Variants in ATE1 observed in about 807,000 individuals in gnomAD.
ATE1 encodes arginyltransferase 1.
In ATE1, 36 loss-of-function variants were observed where a neutral mutation model predicts 70.5. That is an observed-to-expected ratio of 0.51 (90% CI 0.39 to 0.67). The LOEUF (loss-of-function observed/expected upper bound fraction) is 0.67, where lower values mean the gene tolerates loss of function less well. Among genes scored for constraint, ATE1 ranks in the 30% least tolerant of loss-of-function variants. The probability of loss-of-function intolerance (pLI) is 0.00; values close to 1 mark genes in which losing one functional copy is unlikely to be tolerated. For missense variants in ATE1, 593 were observed against 629.5 expected (o/e 0.94, Z 0.62); for synonymous variants, 232 against 219.3 (o/e 1.06, Z -0.51).
intron 11 of ATE1, among the ~76,000 whole-genome samples, chr10:121,757,258 C>T (rs577575181): frequency 6.6e-6 from 1 of 152,306 alleles, no homozygotes; most frequent in African/African-American, 2.4e-5. Context: ...TCAGCCTGGT[C>T]CTTATTGTCC....
chr10:121,752,048 T>C (rs1038045082), intron 11 of ATE1, among the ~76,000 whole-genome samples: 4 of 150,732 alleles, frequency 2.7e-5, no homozygotes, highest in African/African-American at 9.7e-5. Flanking sequence ...TACAAAAAAA[T>C]TAGCCAGGCA....
intron 7 of ATE1, among the ~76,000 whole-genome samples, chr10:121,871,180 C>T (rs1364385219): frequency 1.3e-5 from 2 of 152,070 alleles, no homozygotes; most frequent in African/African-American, 2.4e-5. Flanking sequence ...ACTAGCTGGG[C>T]GTGGTGGCTC....
chr10:121,787,491 T>C (rs1316688632), intron 11 of ATE1, among the ~76,000 whole-genome samples: 2 of 152,218 alleles, frequency 1.3e-5, no homozygotes, highest in Admixed American at 6.5e-5. Flanking sequence ...GTCTGGACTG[T>C]GATATTCAAT....
At chr10:121,769,666 A>G (rs1250147195) in intron 11 of ATE1, among the ~76,000 whole-genome samples, 1 of 152,238 alleles carries the variant, frequency 6.6e-6, no homozygotes, top group Non-Finnish European at 1.5e-5. Context: ...AAAACTCAGC[A>G]ATATAAAAAC....
At position 121,924,433 on chromosome 10, in the gene ATE1, G is replaced by T. The variant is rs866142184; in HGVS notation, c.107-104C>A. ...TAGGAGTGTGTGTCCGGGCACGGTGGCTCATGCCTGTAATCCCAGCACTCT... is the reference window on the plus strand; with the variant it reads ...TAGGAGTGTGTGTCCGGGCACGGTGTCTCATGCCTGTAATCCCAGCACTCT... On this transcript the variant is annotated intron_variant, in intron 1 of 11. Transcript: ENST00000224652. The T allele has an allele frequency of 1.6e-5, 17 of 1,077,724 alleles. No homozygotes were observed. In the Middle Eastern group the frequency reaches 9.3e-4, roughly 59 times the overall value. The allele number at this position is 1,077,724 out of a possible 1,614,324, so 66.8% of individuals were successfully genotyped here. A position where few individuals can be genotyped will look rare whatever the true frequency, so the allele number is the denominator to read the frequency against.
At chr10:121,848,797 G>A (rs1170146676) in intron 8 of ATE1, among the ~76,000 whole-genome samples, 4 of 151,426 alleles carry the variant, frequency 2.6e-5, no homozygotes, top group Non-Finnish European at 5.9e-5. Context: ...TGTAATCCCA[G>A]CTACTTGGGA....
chr10:121,863,281 T>C (rs1949541386), intron 8 of ATE1, among the ~76,000 whole-genome samples: 1 of 142,822 alleles, frequency 7.0e-6, no homozygotes, highest in South Asian at 2.2e-4. Flanking sequence ...TTTGAGACAG[T>C]CTCTTTCTGT....
intron 11 of ATE1, among the ~76,000 whole-genome samples, chr10:121,772,077 A>C (rs1410948247): frequency 1.3e-5 from 2 of 152,246 alleles, no homozygotes; most frequent in Non-Finnish European, 2.9e-5. Flanking sequence ...GGGCTGGAAC[A>C]GAATTTTATA....
rs898946644 is a variant in ATE1, at chr10:121,803,662, C to T, written c.1258-13373G>A. On this transcript the variant is annotated intron_variant, in intron 10 of 11. Transcript: ENST00000224652. The stretch of plus-strand genomic sequence containing the variant: ...TAAAAAACAGTTTCCTACAAATACA[C>T]GGCTTTAATAAAGTCAGTAAGCTGT... Among the ~76,000 whole-genome samples the T allele has an allele frequency of 2.6e-5, 4 of 152,172 alleles. No homozygotes were observed. The East Asian group carries it at 5.8e-4, about 22-fold the overall frequency.
At chr10:121,837,394 C>T (rs79545680) in intron 9 of ATE1, among the ~76,000 whole-genome samples, 1 of 152,142 alleles carries the variant, frequency 6.6e-6, no homozygotes, top group African/African-American at 2.4e-5. Flanking sequence ...GTAACTCAAA[C>T]GTAAGAAGTT....
chr10:121,899,199 T>TC (rs1375350561), intron 7 of ATE1, among the ~76,000 whole-genome samples: 4 of 148,714 alleles, frequency 2.7e-5, no homozygotes, highest in Non-Finnish European at 6.1e-5. Context: ...GTTCTTTTTT[T>TC]TTTCTCTCTC....
At chr10:121,871,398 G>T (rs1158779356) in intron 7 of ATE1, among the ~76,000 whole-genome samples, 1 of 152,166 alleles carries the variant, frequency 6.6e-6, no homozygotes, top group Non-Finnish European at 1.5e-5. Context: ...GGTGGAGGTT[G>T]CAGTGAGCCA....
intron 3 of ATE1, among the ~76,000 whole-genome samples, chr10:121,917,490 A>G (rs550082900): frequency 3.2e-4 from 49 of 152,308 alleles, no homozygotes; most frequent in African/African-American, 1.1e-3. Context: ...ATGGATATGA[A>G]CACATCTGCC....
At chr10:121,921,069 A>AT (rs1021678964) in intron 3 of ATE1, among the ~76,000 whole-genome samples, 4 of 150,806 alleles carry the variant, frequency 2.7e-5, no homozygotes, top group Admixed American at 2.0e-4. Context: ...CTTCCAATTA[A>AT]TTTTTTTTTC....
rs141790932 is a variant in ATE1, at chr10:121,841,251, G to T, written c.988C>A (p.Pro330Thr). The change falls in exon 9 of 12, where the codon CCT becomes ACT. Residue 330 changes from proline to threonine, a missense_variant. Physicochemically the swap from Pro to Thr is conservative, Grantham distance 38. Transcript: ENST00000224652. ...CSSPLEAETP[P>T]NGPDCGYGSF... ...CCATAGCCACAATCTGGCCCATTAG[G>T]GGGAGTCTCTGCCTAAGAAAAAGCA... 3 of 1,511,464 alleles carry T rather than the reference G, an allele frequency of 2.0e-6. No individual in the cohort carries two copies. The highest frequency in any genetic ancestry group is 2.7e-6 in the Non-Finnish European group (3 of 1,122,062). The allele number at this position is 1,511,464 out of a possible 1,614,324, so 93.6% of individuals were successfully genotyped here.
chr10:121,796,942 G>A (rs10749430), intron 10 of ATE1, among the ~76,000 whole-genome samples: 142,661 of 152,302 alleles, frequency 0.94, 67,032 homozygotes, highest in Non-Finnish European at 0.97. Context: ...TAAAAGAATC[G>A]CAAAATAAAT....
intron 6 of ATE1, among the ~76,000 whole-genome samples, chr10:121,900,423 T>A (rs10749433): frequency 6.6e-6 from 1 of 152,170 alleles, no homozygotes; most frequent in Non-Finnish European, 1.5e-5. Flanking sequence ...ACTTAAAACT[T>A]GACTGTTTGA....
intron 11 of ATE1, among the ~76,000 whole-genome samples, chr10:121,783,351 C>T (rs1323547005): frequency 6.6e-6 from 1 of 152,124 alleles, no homozygotes; most frequent in African/African-American, 2.4e-5. Flanking sequence ...ATTAAGATGT[C>T]ATAAAGCTCC....
intron 11 of ATE1, among the ~76,000 whole-genome samples, chr10:121,756,184 A>C (rs531361824): frequency 9.2e-5 from 14 of 152,180 alleles, no homozygotes; most frequent in Non-Finnish European, 1.8e-4. Flanking sequence ...GGGCAGTCAA[A>C]TCCTAAAGTT....
Sources: allele counts gnomAD v4.1 joint callset (sites outside exome capture counted in the v4.1 genomes callset), GRCh38; gene constraint gnomAD v4.1.1; transcripts MANE v1.5; gene names NCBI Gene and HGNC (gene_info 2026-07-23, HGNC 2026-07-21).